Variants in TMPRSS11D observed in about 807,000 individuals in gnomAD.
TMPRSS11D encodes transmembrane serine protease 11D.
TMPRSS11D carries 32 observed loss-of-function variants against 44.4 expected under a neutral mutation model. That is an observed-to-expected ratio of 0.72 (90% CI 0.54 to 0.97). The LOEUF is 0.97. Among genes scored for constraint, TMPRSS11D ranks in the 50% least tolerant of loss-of-function variants. The pLI is 0.00. For synonymous variants in TMPRSS11D, 179 were observed against 177.9 expected (o/e 1.01, Z -0.05); for missense variants, 446 against 502.6 (o/e 0.89, Z 1.08).
Position 67,868,130 on chromosome 4 carries a change from A to G in TMPRSS11D, c.9-8452T>C, listed in dbSNP as rs567226843. Among the ~76,000 whole-genome samples the G allele has an allele frequency of 1.1e-4, 17 of 151,742 alleles. No individual in the cohort carries two copies. In the East Asian group the frequency reaches 1.7e-3, roughly 15 times the overall value. ...TATATGAATACTACTCAACCATAAA[A>G]GGAATAAAATCATGTCTTTTACAGC... On this transcript the variant is annotated intron_variant, in intron 1 of 9. Coordinates refer to ENST00000283916, the MANE Select transcript of TMPRSS11D (RefSeq NM_004262.3).
intron 1 of TMPRSS11D, among the ~76,000 whole-genome samples, chr4:67,876,681 TTGTC>T (rs776131717): frequency 2.6e-5 from 4 of 152,178 alleles, no homozygotes; most frequent in Middle Eastern, 3.2e-3. Context: ...CTTGACTTTT[TTGTC>T]TGTGCTTTTT....
chr4:67,832,510 G>A (rs1287874303), intron 7 of TMPRSS11D, among the ~76,000 whole-genome samples: 1 of 151,850 alleles, frequency 6.6e-6, no homozygotes, highest in Non-Finnish European at 1.5e-5. Flanking sequence ...GTTGGCAATA[G>A]TTTAGTCACC....
At chr4:67,842,473 G>T in intron 4 of TMPRSS11D, 85 bp downstream of exon 4, 2 of 1,167,458 alleles carry the variant, frequency 1.7e-6, no homozygotes, top group South Asian at 1.3e-5. Context: ...ATCTGAACAT[G>T]TCATTTACTA....
intron 1 of TMPRSS11D, among the ~76,000 whole-genome samples, chr4:67,869,527 C>T (rs899044613): frequency 1.1e-4 from 16 of 151,986 alleles, no homozygotes; most frequent in African/African-American, 3.6e-4. Context: ...TATGATCATA[C>T]CATTACCATA....
chr4:67,853,184 A>G (rs1718548868), intron 3 of TMPRSS11D, among the ~76,000 whole-genome samples: 1 of 152,140 alleles, frequency 6.6e-6, no homozygotes, highest in South Asian at 2.1e-4. Context: ...CATGAAGGAA[A>G]CAGGCTGTGA....
At chr4:67,871,421 G>A (rs1719061161) in intron 1 of TMPRSS11D, among the ~76,000 whole-genome samples, 1 of 152,144 alleles carries the variant, frequency 6.6e-6, no homozygotes, top group Non-Finnish European at 1.5e-5. Flanking sequence ...CTCCAGCAAT[G>A]GTATAGCTAG....
rs554185726 is a variant in TMPRSS11D at position 67,881,106 on chromosome 4, A to T, written c.8+2820T>A. Among the ~76,000 whole-genome samples the T allele has an allele frequency of 2.0e-5, 3 of 152,352 alleles. No homozygotes were observed. The South Asian group carries it at 6.2e-4, about 32-fold the overall frequency. The stretch of plus-strand genomic sequence containing the variant: ...AAATCATGCCAAGTCTTCTTTGCTC[A>T]AAAGAATGGGATCCTTCAAATGGGA... On this transcript the variant is annotated intron_variant, in intron 1 of 9. Transcript: ENST00000283916.
chr4:67,844,850 A>G (rs1288058574), intron 3 of TMPRSS11D, among the ~76,000 whole-genome samples: 1 of 152,188 alleles, frequency 6.6e-6, no homozygotes, highest in Non-Finnish European at 1.5e-5. Flanking sequence ...CCATTGCTGT[A>G]ATTCGATAAA....
intron 1 of TMPRSS11D, among the ~76,000 whole-genome samples, chr4:67,862,833 C>T (rs112586647): frequency 3.7e-4 from 56 of 151,946 alleles, no homozygotes; most frequent in African/African-American, 1.1e-3. Flanking sequence ...CGCATGTTCT[C>T]GCTCATAGGT....
rs371520371 is a variant in TMPRSS11D, at chr4:67,842,666, G to C, written c.250-41C>G. The C allele has an allele frequency of 5.2e-6, 8 of 1,538,900 alleles. No homozygotes were observed. In the African/African-American group the frequency reaches 1.1e-4, roughly 21 times the overall value. On this transcript the variant is annotated intron_variant, in intron 3 of 9. Coordinates refer to ENST00000283916, the MANE Select transcript of TMPRSS11D (RefSeq NM_004262.3). ...GAGGGGGAATCTCTCTGTAAATACA[G>C]TTCTTCTTCTCCTTCCTCTCAACCT...
intron 1 of TMPRSS11D, among the ~76,000 whole-genome samples, chr4:67,875,602 C>T (rs890280275): frequency 1.2e-4 from 18 of 152,238 alleles, no homozygotes; most frequent in African/African-American, 3.6e-4. Flanking sequence ...AGAGAGACAG[C>T]GCAGCTGAGA....
chr4:67,845,852 A>C (rs965176961), intron 3 of TMPRSS11D, among the ~76,000 whole-genome samples: 9 of 152,194 alleles, frequency 5.9e-5, no homozygotes, highest in Non-Finnish European at 1.2e-4. Context: ...CAAAGTGAAC[A>C]TCACTAAATC....
intron 2 of TMPRSS11D, among the ~76,000 whole-genome samples, chr4:67,854,720 G>A (rs1718592644): frequency 6.6e-6 from 1 of 152,074 alleles, no homozygotes; most frequent in African/African-American, 2.4e-5. Flanking sequence ...AAGGCACCTT[G>A]CAAAATAAAA....
intron 9 of TMPRSS11D, 74 bp from the exon 10 acceptor site, chr4:67,822,572 G>T: frequency 4.0e-6 from 6 of 1,518,220 alleles, no homozygotes; most frequent in Non-Finnish European, 5.4e-6. Context: ...TATTTCTATG[G>T]CAGTCGAGGA....
At chr4:67,862,323 C>G (rs891879256) in intron 1 of TMPRSS11D, among the ~76,000 whole-genome samples, 3 of 151,942 alleles carry the variant, frequency 2.0e-5, no homozygotes, top group African/African-American at 2.4e-5. Context: ...TATGTTTATT[C>G]AGGAGTGACA....
chr4:67,827,120 G>T, intron 8 of TMPRSS11D, 141 bp downstream of exon 8: 1 of 1,102,872 alleles, frequency 9.1e-7, no homozygotes, highest in Non-Finnish European at 1.2e-6. Flanking sequence ...GGTAGCCAGA[G>T]CTTGGGCTGA....
intron 1 of TMPRSS11D, among the ~76,000 whole-genome samples, chr4:67,864,238 C>T (rs1273039351): frequency 6.6e-6 from 1 of 151,948 alleles, no homozygotes; most frequent in Non-Finnish European, 1.5e-5. Context: ...CTATATCATT[C>T]TTATCACACA....
chr4:67,844,914 G>A (rs184897802), intron 3 of TMPRSS11D, among the ~76,000 whole-genome samples: 125 of 152,152 alleles, frequency 8.2e-4, no homozygotes, highest in Non-Finnish European at 9.9e-4. Context: ...TTATTAATAT[G>A]GAATGTTAAA....
At chr4:67,824,420 T>G (rs76046766) in intron 9 of TMPRSS11D, among the ~76,000 whole-genome samples, 2,093 of 152,208 alleles carry the variant, frequency 0.014, 52 homozygotes, top group African/African-American at 0.045. Flanking sequence ...GTTGCTTATT[T>G]GATTGATGGA....
Sources: gnomAD v4.1 joint callset for allele counts (sites outside exome capture counted in the v4.1 genomes callset) on GRCh38, gnomAD v4.1.1 for gene constraint, MANE v1.5 for transcripts, NCBI Gene and HGNC (gene_info 2026-07-23, HGNC 2026-07-21) for gene names.